The following RAD51B variants were observed in gnomAD, a reference collection of about 807,000 sequenced individuals.
RAD51B encodes the protein DNA repair protein RAD51 homolog 2.
In RAD51B, 38 loss-of-function variants were observed where a neutral mutation model predicts 42.2. The observed-to-expected ratio is 0.90, with a 90% CI of 0.70 to 1.18. RAD51B has a LOEUF of 1.18. Among genes scored for constraint, RAD51B ranks in the 50% most tolerant of loss-of-function variants. The pLI is 0.00. For missense variants in RAD51B, 373 were observed against 400.7 expected (o/e 0.93, Z 0.59); for synonymous variants, 154 against 145.2 (o/e 1.06, Z -0.43).
At chr14:68,402,723 A>T (rs370661558) in intron 8 of RAD51B, among the ~76,000 whole-genome samples, 1 of 152,234 alleles carries the variant, frequency 6.6e-6, no homozygotes, top group African/African-American at 2.4e-5. Flanking sequence ...GGAGTGGTGC[A>T]TTCTCAAACT....
intron 7 of RAD51B, among the ~76,000 whole-genome samples, chr14:68,139,084 C>T (rs970116150): frequency 3.5e-4 from 53 of 151,942 alleles, no homozygotes; most frequent in African/African-American, 1.2e-3. Context: ...CACTTGAAAC[C>T]GCATGAATTT....
At chr14:67,966,072 G>A (rs908056735) in intron 7 of RAD51B, among the ~76,000 whole-genome samples, 1 of 152,166 alleles carries the variant, frequency 6.6e-6, no homozygotes, top group Non-Finnish European at 1.5e-5. Flanking sequence ...TATAGCTAAA[G>A]GATAGAGGGA....
intron 10 of RAD51B, among the ~76,000 whole-genome samples, chr14:68,634,538 C>A (rs2140125351): frequency 6.6e-6 from 1 of 152,256 alleles, no homozygotes; most frequent in South Asian, 2.1e-4. Flanking sequence ...GCTCATATTA[C>A]CTGCCCTCCC....
chr14:68,616,518 T>C (rs1344666088), downstream of RAD51B, among the ~76,000 whole-genome samples: 1 of 152,208 alleles, frequency 6.6e-6, no homozygotes, highest in African/African-American at 2.4e-5. Flanking sequence ...GATTTTCTCT[T>C]TATTACTAAT....
intron 7 of RAD51B, among the ~76,000 whole-genome samples, chr14:68,150,872 A>G (rs1300634766): frequency 4.6e-5 from 7 of 152,196 alleles, no homozygotes; most frequent in Admixed American, 4.6e-4. Context: ...AGTAGTTGTC[A>G]TACATTTTAC....
At chr14:68,073,617 C>T (rs745676559) in intron 7 of RAD51B, among the ~76,000 whole-genome samples, 10 of 152,018 alleles carry the variant, frequency 6.6e-5, no homozygotes, top group African/African-American at 1.9e-4. Flanking sequence ...TTTATACTGT[C>T]GATGGTCTTT....
At chr14:68,139,308 A>ATTTT in intron 7 of RAD51B, among the ~76,000 whole-genome samples, 1 of 151,706 alleles carries the variant, frequency 6.6e-6, no homozygotes. Flanking sequence ...AAGTTGAGGT[A>ATTTT]CAGAAAGATT....
At chr14:68,611,444 C>T (rs1046595743) in exon 11 of RAD51B, 39 of 582,056 alleles carry the variant, frequency 6.7e-5, no homozygotes, top group South Asian at 5.5e-4. Context: ...TTGATCCCCA[C>T]GTGAGATCTC....
intron 10 of RAD51B, among the ~76,000 whole-genome samples, chr14:68,538,294 T>C (rs939341711): frequency 3.3e-5 from 5 of 152,136 alleles, no homozygotes; most frequent in Admixed American, 2.0e-4. Flanking sequence ...AGACAGAGCT[T>C]GACTCCCACA....
At chr14:68,481,167 C>T (rs984612253), downstream of RAD51B, among the ~76,000 whole-genome samples, 1 of 152,162 alleles carries the variant, frequency 6.6e-6, no homozygotes, top group Non-Finnish European at 1.5e-5. Flanking sequence ...CTCTCAGCCA[C>T]GAACCTTGAG....
chr14:68,569,540 G>A (rs749234289), intron 10 of RAD51B, among the ~76,000 whole-genome samples: 1 of 152,212 alleles, frequency 6.6e-6, no homozygotes, highest in Non-Finnish European at 1.5e-5. Flanking sequence ...GGGCAAGCTT[G>A]TTTCAAAGAA....
At chr14:68,583,485 C>T (rs1890307058) in intron 10 of RAD51B, among the ~76,000 whole-genome samples, 1 of 152,232 alleles carries the variant, frequency 6.6e-6, no homozygotes, top group Non-Finnish European at 1.5e-5. Context: ...AGAATATGTT[C>T]TCTCCTCTTG....
At chr14:68,213,524 A>G (rs1327257197) in intron 7 of RAD51B, among the ~76,000 whole-genome samples, 1 of 152,240 alleles carries the variant, frequency 6.6e-6, no homozygotes, top group African/African-American at 2.4e-5. Flanking sequence ...TAAGTCTTGA[A>G]GGAGGAAGCT....
rs1265604267 is a variant in RAD51B at position 68,155,293 on chromosome 14, G to A, written c.757-136591G>A. Among the ~76,000 whole-genome samples, 3 of 151,484 alleles carry A rather than the reference G, an allele frequency of 2.0e-5. No homozygotes were observed. In the East Asian group the frequency reaches 5.8e-4, roughly 29 times the overall value. On this transcript the variant is annotated intron_variant, in intron 7 of 10. Coordinates refer to ENST00000471583, the MANE Select transcript of RAD51B (RefSeq NM_133510.4). Reference sequence around the variant, plus strand: ...TGCAAGCTCCGCCTCCCGGGTTCACGCCATTCTCCTGCCTCAGCCTCCCAA... The same window carrying A: ...TGCAAGCTCCGCCTCCCGGGTTCACACCATTCTCCTGCCTCAGCCTCCCAA...
At chr14:68,176,083 C>T (rs2078957463) in intron 7 of RAD51B, among the ~76,000 whole-genome samples, 2 of 152,174 alleles carry the variant, frequency 1.3e-5, no homozygotes, top group South Asian at 4.1e-4. Context: ...AGCCTGGACT[C>T]CATTTGGATG....
downstream of RAD51B, among the ~76,000 whole-genome samples, chr14:68,614,152 GC>G (rs200057063): frequency 1.5e-3 from 225 of 152,236 alleles, 9 homozygotes; most frequent in East Asian, 0.04. Flanking sequence ...GATTTTTCAG[GC>G]CTCAGAGGCA....
intron 7 of RAD51B, among the ~76,000 whole-genome samples, chr14:68,133,121 A>G (rs1400807216): frequency 6.6e-6 from 1 of 152,246 alleles, no homozygotes; most frequent in Non-Finnish European, 1.5e-5. Flanking sequence ...GGTTAGCTCA[A>G]TCAGAAATAT....
At chr14:68,194,114 G>A (rs2079320436) in intron 7 of RAD51B, among the ~76,000 whole-genome samples, 1 of 152,288 alleles carries the variant, frequency 6.6e-6, no homozygotes, top group South Asian at 2.1e-4. Context: ...ATCATCACTT[G>A]AGGAACATTT....
At chr14:68,181,373 C>A (rs773568965) in intron 7 of RAD51B, among the ~76,000 whole-genome samples, 1 of 152,230 alleles carries the variant, frequency 6.6e-6, no homozygotes, top group Non-Finnish European at 1.5e-5. Flanking sequence ...CCAGGGCTCA[C>A]TAATGCACCC....
Sources: allele counts gnomAD v4.1 joint callset (sites outside exome capture counted in the v4.1 genomes callset), GRCh38; gene constraint gnomAD v4.1.1; transcripts MANE v1.5; gene names NCBI Gene and HGNC (gene_info 2026-07-23, HGNC 2026-07-21).